DST: variants seen among roughly 807,000 people sequenced by gnomAD.
DST encodes the protein bullous pemphigoid antigen.
In DST, 253 loss-of-function variants were observed where a neutral mutation model predicts 875.2. That is an observed-to-expected ratio of 0.29 (90% CI 0.26 to 0.32). The LOEUF (loss-of-function observed/expected upper bound fraction) is 0.32. DST is among the 10% of genes least tolerant of loss of function. The probability of loss-of-function intolerance (pLI) is 1.00; values close to 1 mark genes in which losing one functional copy is unlikely to be tolerated. For synonymous variants in DST, 3,124 were observed against 3,197.1 expected (o/e 0.98, Z 0.77); for missense variants, 8,287 against 9,111.6 (o/e 0.91, Z 3.68).
intron 4 of DST, among the ~76,000 whole-genome samples, chr6:56,807,755 G>A (rs1157181424): frequency 6.6e-6 from 1 of 152,100 alleles, no homozygotes; most frequent in African/African-American, 2.4e-5. Context: ...CTAAATGTAA[G>A]GGACAAAACT....
chr6:56,694,861 T>G (rs2099254336), intron 9 of DST, among the ~76,000 whole-genome samples: 1 of 152,090 alleles, frequency 6.6e-6, no homozygotes, highest in African/African-American at 2.4e-5. Flanking sequence ...CAACGGCAGT[T>G]CATGCCTGTA....
At chr6:56,926,797 C>T (rs1807359245) in intron 2 of DST, among the ~76,000 whole-genome samples, 1 of 152,112 alleles carries the variant, frequency 6.6e-6, no homozygotes, top group African/African-American at 2.4e-5. Context: ...GATATGCTCT[C>T]CTCAAACTGG....
At chr6:56,692,867 T>C in intron 9 of DST, 1 of 1,289,834 alleles carries the variant, frequency 7.8e-7, no homozygotes, top group Non-Finnish European at 1.0e-6. Context: ...TTTTGCTGAA[T>C]ACCATCTCCC....
At position 56,526,462 on chromosome 6, in the gene DST, C is replaced by T; in HGVS notation, c.18028G>A (p.Glu6010Lys). ...LVPWRAREGL[E>K]KMVAEDNERY... ...TCATTGTCCTCAGCTACCATTTTCT[C>T]AAGTCCTTCTCTTGCCCTCCATGGT... The change falls in exon 69 of 104, where the codon GAG (glutamate) becomes AAG (lysine). Residue 6010 changes from glutamate to lysine, a missense_variant. By Grantham distance (56) the Glu-to-Lys change is moderately conservative. This residue lies in a region of DST where 777 missense variants were observed against 764.8 expected (regional missense o/e 1.02). Coordinates refer to ENST00000680361, the MANE Select transcript of DST (RefSeq NM_001374736.1). 2.5e-6 allele frequency: 4 copies of T among 1,613,890 alleles called. No individual in the cohort carries two copies. Among genetic ancestry groups the T allele is most frequent in the Non-Finnish European group, 3.4e-6 (4 of 1,179,832 alleles).
At chr6:56,569,241 C>T (rs1476408259) in intron 54 of DST, among the ~76,000 whole-genome samples, 8 of 148,222 alleles carry the variant, frequency 5.4e-5, no homozygotes, top group Admixed American at 1.4e-4. Context: ...AGGAGAATGG[C>T]GTGAACCCAG....
At chr6:56,535,508 C>T (rs1477840377) in intron 62 of DST, among the ~76,000 whole-genome samples, 1 of 152,190 alleles carries the variant, frequency 6.6e-6, no homozygotes, top group Non-Finnish European at 1.5e-5. Context: ...GTTACCATCA[C>T]AGTCAACATA....
chr6:56,605,562 G>A lies in DST; in HGVS notation c.9066C>T (p.Asp3022=). 6.2e-7 allele frequency: 1 copy of A among 1,612,860 alleles called. No individual in the cohort carries two copies. The highest frequency in any genetic ancestry group is 2.2e-5 in the East Asian group (1 of 44,830). The stretch of plus-strand genomic sequence containing the variant: ...CGCTTCCATTTCCTTGAGGATCTTT[G>A]TCAGTTACAGAGGCTATCAATGACA... The part of the protein sequence containing the change: ...SHLSLIASVT[D]KDPQGNGSDL... Residue 3022 remains aspartate (D), a synonymous_variant, in exon 40 of 104, where the codon GAC becomes GAT. Coordinates refer to ENST00000680361, the MANE Select transcript of DST (RefSeq NM_001374736.1).
intron 88 of DST, among the ~76,000 whole-genome samples, chr6:56,483,307 A>T (rs1278171492): frequency 1.3e-5 from 2 of 152,178 alleles, no homozygotes; most frequent in African/African-American, 4.8e-5. Context: ...ACTCTAAGAG[A>T]TGTATCTAAG....
At chr6:56,539,311 G>A (rs1482801342) in intron 61 of DST, among the ~76,000 whole-genome samples, 1 of 152,040 alleles carries the variant, frequency 6.6e-6, no homozygotes, top group Non-Finnish European at 1.5e-5. Flanking sequence ...AGATTTAATT[G>A]TTTTCTACAA....
chr6:56,788,808 T>C lies in DST; in HGVS notation c.626-53519A>G, dbSNP rs140281052. Among the ~76,000 whole-genome samples, 1,393 of 152,350 alleles carry C rather than the reference T, an allele frequency of 9.1e-3. 18 individuals carry two copies. Among genetic ancestry groups the C allele is most frequent in the African/African-American group, 0.031 (1,280 of 41,578 alleles). ...AGCAATTATGATTGCTTCCAACTTTTTGCTATTACTACAAATAGTACTGTG... is the reference window on the plus strand; with the variant it reads ...AGCAATTATGATTGCTTCCAACTTTCTGCTATTACTACAAATAGTACTGTG... On this transcript the variant is annotated intron_variant, in intron 4 of 103. Coordinates refer to ENST00000680361, the MANE Select transcript of DST (RefSeq NM_001374736.1).
intron 22 of DST, among the ~76,000 whole-genome samples, chr6:56,638,415 T>C (rs941348725): frequency 2.0e-5 from 3 of 152,142 alleles, no homozygotes; most frequent in African/African-American, 7.2e-5. Flanking sequence ...GAGCCTAGAA[T>C]TGTACTAATC....
At chr6:56,616,448 G>T in intron 36 of DST, 1 of 1,614,078 alleles carries the variant, frequency 6.2e-7, no homozygotes. Context: ...ATCTACTACA[G>T]AAATTCTATG....
chr6:56,762,113 C>T (rs528660446), intron 4 of DST, among the ~76,000 whole-genome samples: 22 of 152,076 alleles, frequency 1.4e-4, no homozygotes, highest in South Asian at 4.1e-4. Context: ...CTCCACCTCC[C>T]GGGCTCAAGC....
At chr6:56,878,357 T>C (rs919519646) in intron 3 of DST, among the ~76,000 whole-genome samples, 3 of 152,168 alleles carry the variant, frequency 2.0e-5, no homozygotes, top group African/African-American at 7.2e-5. Context: ...AATATGACTC[T>C]CACCAAAAGA....
In DST at chr6:56,909,283, C is replaced by T. The variant is rs551493256; in HGVS notation, c.217-8662G>A. On this transcript the variant is annotated intron_variant, in intron 2 of 103. Transcript: ENST00000680361. ...TTTTTGTTGGTCACAAGCTAGGCTA[C>T]GTTTCCCAGCCTCCCCTGCAGTTAG... is the stretch of plus-strand genomic sequence containing the variant. Among the ~76,000 whole-genome samples, 12 of 152,288 alleles carry T rather than the reference C, an allele frequency of 7.9e-5. No individual in the cohort carries two copies. In the East Asian group the frequency reaches 2.3e-3, roughly 29 times the overall value.
Position 56,605,732 on chromosome 6 carries a change from C to T in DST, c.8896G>A (p.Gly2966Arg), listed in dbSNP as rs2098489421. 1 of 1,612,648 alleles carries T rather than the reference C, an allele frequency of 6.2e-7. No homozygotes were observed. The highest frequency in any genetic ancestry group is 1.3e-5 in the African/African-American group (1 of 74,842). The stretch of plus-strand genomic sequence containing the variant: ...TCAGTCAATTCTGGCAATTCTGACC[C>T]TTGAATCAACTTAACCTTTGTGTTT... ...LANTKVKLIQGSELPELTDSV... is the reference protein window; with the variant it reads ...LANTKVKLIQRSELPELTDSV... The change falls in exon 40 of 104, where the codon GGG becomes AGG. Residue 2966 changes from glycine (G) to arginine (R), a missense_variant. Physicochemically the swap from Gly to Arg is moderately radical, Grantham distance 125. This residue lies in a region of DST where 3,138 missense variants were observed against 3,116.6 expected (regional missense o/e 1.01). Transcript: ENST00000680361.
chr6:56,567,963 G>A (rs1026547426), intron 55 of DST, among the ~76,000 whole-genome samples: 6 of 152,006 alleles, frequency 3.9e-5, no homozygotes, highest in African/African-American at 9.7e-5. Context: ...CAGATATGCC[G>A]GCTCACATAC....
At position 56,639,679 on chromosome 6, in the gene DST, TAAAA is replaced by T. The variant is rs751060715; in HGVS notation, c.2697+13_2697+16del. 1.1e-6 allele frequency: 1 copy of T among 902,784 alleles called. No individual in the cohort carries two copies. The highest frequency in any genetic ancestry group is 1.7e-5 in the African/African-American group (1 of 57,170). The allele number at this position is 902,784 out of a possible 1,614,324, so 55.9% of individuals were successfully genotyped here. ...ATATAGATAAGGGAAACAGAAGGTT[TAAAA>T]AAAAAAACTTACCAAGAGTTTTGCA... On this transcript the variant is annotated intron_variant, in intron 20 of 103. Coordinates refer to ENST00000680361, the MANE Select transcript of DST (RefSeq NM_001374736.1).
At chr6:56,636,266 AC>A (rs2098823440) in intron 23 of DST, among the ~76,000 whole-genome samples, 1 of 147,908 alleles carries the variant, frequency 6.8e-6, no homozygotes, top group African/African-American at 2.6e-5. Flanking sequence ...ACACACACAC[AC>A]AAACACACAC....
Sources: allele counts gnomAD v4.1 joint callset (sites outside exome capture counted in the v4.1 genomes callset), GRCh38; gene constraint gnomAD v4.1.1; regional missense constraint gnomAD v4.1.1; transcripts MANE v1.5; gene names NCBI Gene and HGNC (gene_info 2026-07-23, HGNC 2026-07-21).